Variants in CYP4F11 observed in about 807,000 individuals in gnomAD.
CYP4F11 encodes the protein cytochrome P450 4F11.
A neutral mutation model predicts 62.2 loss-of-function variants in CYP4F11; 79 were observed. That is an observed-to-expected ratio of 1.27 (90% CI 1.06 to 1.53). The LOEUF (loss-of-function observed/expected upper bound fraction) is 1.53, where lower values mean the gene tolerates loss of function less well. Among genes scored for constraint, CYP4F11 ranks in the 40% most tolerant of loss-of-function variants. CYP4F11 has a pLI of 0.00. For synonymous variants in CYP4F11, 290 were observed against 263.7 expected (o/e 1.10, Z -0.97); for missense variants, 777 against 680.5 (o/e 1.14, Z -1.58).
chr19:15,919,057 T>C (rs2089602783), intron 8 of CYP4F11, among the ~76,000 whole-genome samples: 1 of 150,276 alleles, frequency 6.7e-6, no homozygotes. Context: ...CATATTTCTA[T>C]GTATATGGAA....
chr19:15,913,461 A>G lies in CYP4F11; in HGVS notation c.*271T>C, dbSNP rs946736411. 2 of 478,124 alleles carry G rather than the reference A, an allele frequency of 4.2e-6. No individual in the cohort carries two copies. Among genetic ancestry groups the G allele is most frequent in the Non-Finnish European group, 7.7e-6 (2 of 260,826 alleles). The allele number at this position is 478,124 out of a possible 1,614,324, so 29.6% of individuals were successfully genotyped here. A position where few individuals can be genotyped will look rare whatever the true frequency, so the allele number is the denominator to read the frequency against. ...ATCCTGTTCCCTCTCCTGCTCAAAC[A>G]CCTCCCAGGGCTCCCTACTGCCCAC... On this transcript the variant is annotated 3_prime_UTR_variant, in exon 12 of 12. Coordinates refer to ENST00000402119, the MANE Select transcript of CYP4F11 (RefSeq NM_021187.4).
At chr19:15,924,216 C>T in intron 5 of CYP4F11, 134 bp from the exon 6 acceptor site, 1 of 1,138,848 alleles carries the variant, frequency 8.8e-7, no homozygotes, top group Non-Finnish European at 1.2e-6. Context: ...AAACTCTCTT[C>T]TCTGAGGCAT....
intron 1 of CYP4F11, among the ~76,000 whole-genome samples, 166 bp downstream of exon 1, chr19:15,934,025 CAGAGGAATGAGTGAGCGGGG>C (rs1290852282): frequency 0.049 from 1,164 of 23,548 alleles, 95 homozygotes; most frequent in African/African-American, 0.12. Context: ...AGTGAGTGGG[CAGAGGAATGAGTGAGCGGGG>C]AGAGGAATGA....
intron 1 of CYP4F11, 36 bp from the exon 2 acceptor site, chr19:15,929,637 G>T: frequency 2.6e-6 from 4 of 1,545,730 alleles, no homozygotes; most frequent in Non-Finnish European, 3.5e-6. Flanking sequence ...CCCTTGTGAT[G>T]GTTAATTCTA....
Position 15,924,754 on chromosome 19 carries a change from G to T in CYP4F11, c.647+7C>A. On this transcript the variant is annotated splice_region_variant and intron_variant, in intron 5 of 11. Coordinates refer to ENST00000402119, the MANE Select transcript of CYP4F11 (RefSeq NM_021187.4). ...CCCAAGTTCTCAGGTCCTAGGAAAG[G>T]ACTCACTCCTGACAATTGCTTTCAA... 6.2e-7 allele frequency: 1 copy of T among 1,608,526 alleles called. No individual in the cohort carries two copies. The highest frequency in any genetic ancestry group is 8.5e-7 in the Non-Finnish European group (1 of 1,176,496).
Position 15,912,680 on chromosome 19 carries a change from A to AAAAAAAAAAAAAT in CYP4F11, c.*1051_*1052insATTTTTTTTTTTT, listed in dbSNP as rs59091525. ...TCACCATCCTCAGGAAAAAAAAAAA[A>AAAAAAAAAAAAAT]ATATATATATATATATATGTGTGTG... On this transcript the variant is annotated 3_prime_UTR_variant, in exon 12 of 12. Coordinates refer to ENST00000402119, the MANE Select transcript of CYP4F11 (RefSeq NM_021187.4). The AAAAAAAAAAAAAT allele has an allele frequency of 2.4e-4, 16 of 66,152 alleles. No homozygotes were observed. The highest frequency in any genetic ancestry group is 9.7e-4 in the African/African-American group (15 of 15,514). 4.1% of individuals were successfully genotyped at this position (66,152 alleles called of 1,614,324 possible). A position where few individuals can be genotyped will look rare whatever the true frequency, so the allele number is the denominator to read the frequency against.
intron 8 of CYP4F11, 152 bp downstream of exon 8, chr19:15,921,885 C>CCGGG: frequency 1.0e-6 from 1 of 962,670 alleles, no homozygotes. Context: ...CCCCTGCTGG[C>CCGGG]CTGGCTGTGT....
Position 15,912,697 on chromosome 19 carries a change from ATGTGTGTGTGTGTGTG to A in CYP4F11, c.*1019_*1034del, listed in dbSNP as rs1157362352. ...AAAAAAAAAATATATATATATATAT[ATGTGTGTGTGTGTGTG>A]TGTGTGTGTGTGTGTGTGTGTATAT... On this transcript the variant is annotated 3_prime_UTR_variant, in exon 12 of 12. Transcript: ENST00000402119. 9 of 72,698 alleles carry A rather than the reference ATGTGTGTGTGTGTGTG, an allele frequency of 1.2e-4. No homozygotes were observed. Among genetic ancestry groups the A allele is most frequent in the African/African-American group, 1.7e-4 (3 of 17,670 alleles). The allele number at this position is 72,698 out of a possible 1,614,324, so 4.5% of individuals were successfully genotyped here. A position where few individuals can be genotyped will look rare whatever the true frequency, so the allele number is the denominator to read the frequency against.
chr19:15,922,197 TG>T (rs1568483048), intron 7 of CYP4F11, 31 bp from the exon 8 acceptor site: 1 of 1,603,312 alleles, frequency 6.2e-7, no homozygotes, highest in East Asian at 2.2e-5. Context: ...ACTGGGTTTC[TG>T]GGCTGCTTCA....
chr19:15,924,870 G>A lies in CYP4F11; in HGVS notation c.538C>T (p.Arg180Cys), dbSNP rs148197835. 5.8e-3 allele frequency: 9,395 copies of A among 1,610,974 alleles called. 40 individuals are homozygous for A. The highest frequency in any genetic ancestry group is 7.3e-3 in the Non-Finnish European group (8,640 of 1,178,188). ...CTGGCGCTGCCCTCTGAGGCCAGGC[G>A]CTGCCACTTGTCCTGGCCAGAGAAA... ...SVNIMHDKWQRLASEGSARLD... is the reference protein window; with the variant it reads ...SVNIMHDKWQCLASEGSARLD... Residue 180 changes from arginine to cysteine, a missense_variant, in exon 5 of 12, where the codon CGC (arginine) becomes TGC (cysteine). Arg to Cys is a radical substitution (Grantham distance 180). Transcript: ENST00000402119.
At chr19:15,921,605 T>C (rs973698553) in intron 8 of CYP4F11, among the ~76,000 whole-genome samples, 1 of 152,230 alleles carries the variant, frequency 6.6e-6, no homozygotes, top group Non-Finnish European at 1.5e-5. Context: ...ACTGGATGGA[T>C]GAACAATGCA....
At position 15,927,165 on chromosome 19, in the gene CYP4F11, C is replaced by T. The variant is rs747400828; in HGVS notation, c.525+47G>A. ...TTCCAGAGCAGATATGCCTGTGGTC[C>T]CTCTACCCCAAGGCTCCAGCTGGGA... On this transcript the variant is annotated intron_variant, in intron 4 of 11. Coordinates refer to ENST00000402119, the MANE Select transcript of CYP4F11 (RefSeq NM_021187.4). 3.1e-6 allele frequency: 5 copies of T among 1,597,068 alleles called. No individual in the cohort carries two copies. The Admixed American group carries it at 5.1e-5, about 16-fold the overall frequency.
chr19:15,920,469 T>A (rs938701962), intron 8 of CYP4F11, among the ~76,000 whole-genome samples: 2 of 152,182 alleles, frequency 1.3e-5, no homozygotes, highest in Admixed American at 1.3e-4. Flanking sequence ...TTTATCAAAA[T>A]TTTTGGACAC....
In CYP4F11 at chr19:15,914,912, G is replaced by C. The variant is rs570135539; in HGVS notation, c.1116-17C>G. 272 of 1,612,568 alleles carry C rather than the reference G, an allele frequency of 1.7e-4. 1 individual carries two copies. The South Asian group carries it at 2.8e-3, about 17-fold the overall frequency. On this transcript the variant is annotated splice_polypyrimidine_tract_variant and intron_variant, in intron 8 of 11. Coordinates refer to ENST00000402119, the MANE Select transcript of CYP4F11 (RefSeq NM_021187.4). ...AGGTCGTCCCTAAGAAAACACCCCA[G>C]CCCCAATCATTATCAAGGGAACAAA...
intron 4 of CYP4F11, among the ~76,000 whole-genome samples, chr19:15,925,944 C>T (rs997137614): frequency 1.3e-5 from 2 of 151,722 alleles, no homozygotes; most frequent in African/African-American, 2.4e-5. Context: ...GCAGGTGGAT[C>T]GTGAGGTCAG....
intron 8 of CYP4F11, among the ~76,000 whole-genome samples, chr19:15,921,558 G>A (rs1409804227): frequency 1.3e-5 from 2 of 152,234 alleles, no homozygotes; most frequent in South Asian, 2.1e-4. Context: ...CAAAACTGGG[G>A]ATAGGAATAC....
At chr19:15,917,845 A>G (rs1054139440) in intron 8 of CYP4F11, among the ~76,000 whole-genome samples, 3 of 152,246 alleles carry the variant, frequency 2.0e-5, no homozygotes, top group Non-Finnish European at 4.4e-5. Flanking sequence ...CACTAAAAGA[A>G]GAAATATGCA....
chr19:15,934,214 GC>G lies in CYP4F11; in HGVS notation c.194del (p.Gly65AlafsTer10). 6.2e-7 allele frequency: 1 copy of G among 1,613,346 alleles called. No homozygotes were observed. The highest frequency in any genetic ancestry group is 1.1e-5 in the South Asian group (1 of 91,044). On this transcript the variant is annotated frameshift_variant, in exon 1 of 12. Transcript: ENST00000402119. LOFTEE classifies it high-confidence loss of function. ...PKQNWFWGHQ[G>X]LVTPTEEGMK... Reference sequence around the variant, plus strand: ...CCCGTCCTGCTGACAAACTCACCAGGCCCTGGTGTCCCCAAAACCAGTTCTG... The same window carrying G: ...CCCGTCCTGCTGACAAACTCACCAGGCCTGGTGTCCCCAAAACCAGTTCTG...
chr19:15,921,971 C>G lies in CYP4F11; in HGVS notation c.1115+66G>C, dbSNP rs570484830. 6 of 1,474,188 alleles carry G rather than the reference C, an allele frequency of 4.1e-6. No individual in the cohort carries two copies. The Admixed American group carries it at 1.4e-4, about 35-fold the overall frequency. 91.3% of individuals were successfully genotyped at this position (1,474,188 alleles called of 1,614,324 possible). On this transcript the variant is annotated intron_variant, in intron 8 of 11. Transcript: ENST00000402119. Reference sequence around the variant, plus strand: ...AAGAATTGACCAAAAAAACTCCCTCCCTCTGCCCACCTGAGGAGCAGAACC... The same window carrying G: ...AAGAATTGACCAAAAAAACTCCCTCGCTCTGCCCACCTGAGGAGCAGAACC...
Sources: allele counts gnomAD v4.1 joint callset (sites outside exome capture counted in the v4.1 genomes callset), GRCh38; gene constraint gnomAD v4.1.1; transcripts MANE v1.5; gene names NCBI Gene and HGNC (gene_info 2026-07-23, HGNC 2026-07-21).